Variants in IRF8 observed in about 807,000 individuals in gnomAD.
IRF8 encodes interferon regulatory factor 8, also known as interferon consensus sequence binding protein 1.
A neutral mutation model predicts 48.7 loss-of-function variants in IRF8; 14 were observed. The ratio of observed to expected loss-of-function variants is 0.29; its 90% CI spans 0.19 to 0.45. IRF8 has a LOEUF of 0.45. Among genes scored for constraint, IRF8 ranks in the 20% least tolerant of loss-of-function variants. The pLI is 1.00. For missense variants in IRF8, 493 were observed against 580.7 expected (o/e 0.85, Z 1.55); for synonymous variants, 278 against 227.3 (o/e 1.22, Z -2.01).
intron 8 of IRF8, 123 bp downstream of exon 8, chr16:85,920,347 A>G: frequency 1.5e-6 from 1 of 687,218 alleles, no homozygotes. Flanking sequence ...CCCGGGTTCA[A>G]GTGATTCTCC....
At position 85,921,275 on chromosome 16, in the gene IRF8, CCGTCTAAGTG is replaced by C; in HGVS notation, c.1279_*7del. ...TTTTTCAGAGAAAACCAACAGATCA[CCGTCTAAGTG>C]CGTCGCTTGGGCGCCCCACCCCGTC... On this transcript the variant is annotated stop_lost and 3_prime_UTR_variant, in exon 9 of 9. Transcript: ENST00000268638. 6.2e-7 allele frequency: 1 copy of C among 1,613,920 alleles called. No homozygotes were observed. Among genetic ancestry groups the C allele is most frequent in the Non-Finnish European group, 8.5e-7 (1 of 1,180,038 alleles).
At position 85,914,509 on chromosome 16, in the gene IRF8, C is replaced by T. The variant is rs768395792; in HGVS notation, c.590C>T (p.Ala197Val). 146 of 1,614,006 alleles carry T rather than the reference C, an allele frequency of 9.0e-5. No homozygotes were observed. Among genetic ancestry groups the T allele is most frequent in the Non-Finnish European group, 1.1e-4 (130 of 1,180,028 alleles). ...GTGACGGGGTACACCACCTACGACG[C>T]GCACCATTCAGGTACGGGGTGGTCC... Reference protein sequence around the residue: ...PLVTGYTTYDAHHSAFSQMVI... With the variant: ...PLVTGYTTYDVHHSAFSQMVI... The change falls in exon 6 of 9, where the codon GCG becomes GTG. Residue 197 changes from alanine (A) to valine (V), a missense_variant. Ala to Val is a moderately conservative substitution (Grantham distance 64). This residue lies in a region of IRF8 where 408 missense variants were observed against 449.6 expected (regional missense o/e 0.91). Transcript: ENST00000268638.
At chr16:85,899,974 GC>G (rs1343602360) in intron 1 of IRF8, among the ~76,000 whole-genome samples, 1 of 152,110 alleles carries the variant, frequency 6.6e-6, no homozygotes, top group Non-Finnish European at 1.5e-5. Flanking sequence ...CCAACCAATG[GC>G]CCCCCACTTT....
intron 2 of IRF8, among the ~76,000 whole-genome samples, chr16:85,904,810 A>ATTTTTTTTTTTTTTTTTTTT (rs1418168585): frequency 6.2e-5 from 4 of 64,620 alleles, no homozygotes; most frequent in Admixed American, 2.9e-4. Flanking sequence ...TTGATTGCAG[A>ATTTTTTTTTTTTTTTTTTTT]TCTTTTTTTT....
chr16:85,914,561 T>G (rs1218261137), intron 6 of IRF8, 41 bp downstream of exon 6: 3 of 1,612,392 alleles, frequency 1.9e-6, no homozygotes, highest in Non-Finnish European at 2.5e-6. Context: ...GGGCACTGTT[T>G]GAAGACAAAG....
At chr16:85,908,176 T>C (rs543607102) in intron 2 of IRF8, among the ~76,000 whole-genome samples, 1 of 152,382 alleles carries the variant, frequency 6.6e-6, no homozygotes, top group Admixed American at 6.5e-5. Context: ...TGCCTGATTT[T>C]TCCTGAAACC....
chr16:85,914,261 G>C (rs371134734), intron 5 of IRF8: 1 of 613,378 alleles, frequency 1.6e-6, no homozygotes, highest in Admixed American at 2.4e-5. Context: ...AAGTCCCCCC[G>C]ACTTGCCACT....
At position 85,921,162 on chromosome 16, in the gene IRF8, C is replaced by A; in HGVS notation, c.1161C>A (p.Ala387=). 6.2e-7 allele frequency: 1 copy of A among 1,614,158 alleles called. No individual in the cohort carries two copies. The highest frequency in any genetic ancestry group is 8.5e-7 in the Non-Finnish European group (1 of 1,180,032). ...AAGAGGCTGGGAAGAGCTGTGGAGC[C>A]GGCTCTGTGATGCAGGCCCCCGAGG... is the stretch of plus-strand genomic sequence containing the variant. The part of the protein sequence containing the change: ...LAEEAGKSCG[A]GSVMQAPEEP... The change falls in exon 9 of 9, where the codon GCC becomes GCA. Residue 387 remains alanine, a synonymous_variant. Transcript: ENST00000268638.
rs548134454 is a variant in IRF8 at position 85,902,854 on chromosome 16, C to A, written c.-1-161C>A. The A allele has an allele frequency of 3.9e-6, 3 of 759,554 alleles. No individual in the cohort carries two copies. In the East Asian group the frequency reaches 7.6e-5, roughly 19 times the overall value. The allele number at this position is 759,554 out of a possible 1,614,324, so 47.1% of individuals were successfully genotyped here. A position where few individuals can be genotyped will look rare whatever the true frequency, so the allele number is the denominator to read the frequency against. ...TGTGAGGTCATGGAGGCCAGCATTG[C>A]CTTCTCATGGCAGGTGTCCCGGAGT... On this transcript the variant is annotated intron_variant, in intron 1 of 8. Transcript: ENST00000268638.
At chr16:85,905,984 A>C (rs1363092557) in intron 2 of IRF8, among the ~76,000 whole-genome samples, 2 of 152,204 alleles carry the variant, frequency 1.3e-5, no homozygotes. Flanking sequence ...ACCGACCCTG[A>C]GTACACTGAT....
chr16:85,906,511 C>T (rs1597250758), intron 2 of IRF8, among the ~76,000 whole-genome samples: 1 of 152,212 alleles, frequency 6.6e-6, no homozygotes, highest in Non-Finnish European at 1.5e-5. Flanking sequence ...AAGCCAGGTA[C>T]CCGATGGTGG....
chr16:85,904,166 A>C (rs1904917255), intron 2 of IRF8, among the ~76,000 whole-genome samples: 3 of 152,218 alleles, frequency 2.0e-5, no homozygotes, highest in Admixed American at 2.0e-4. Flanking sequence ...CACGTTTGCC[A>C]GTGTGGACAC....
intron 2 of IRF8, 83 bp from the exon 3 acceptor site, chr16:85,908,907 A>T (rs988177284): frequency 8.7e-7 from 1 of 1,154,012 alleles, no homozygotes; most frequent in Non-Finnish European, 1.3e-6. Context: ...GAAGGGAAGG[A>T]TGTGTGGGGT....
At position 85,901,226 on chromosome 16, in the gene IRF8, A is replaced by T. The variant is rs1597248090; in HGVS notation, c.-1-1789A>T. ...GCTTTAGAATTCTGGGTCTCTTGAG[A>T]TACAGCCTCTCAACTTACAGGTGAG... On this transcript the variant is annotated intron_variant, in intron 1 of 8. Transcript: ENST00000268638. The T allele has an allele frequency of 3.3e-5, 5 of 152,334 alleles. No individual in the cohort carries two copies. The East Asian group carries it at 9.6e-4, about 29-fold the overall frequency. The allele number at this position is 152,334 out of a possible 1,614,324, so 9.4% of individuals were successfully genotyped here.
intron 2 of IRF8, among the ~76,000 whole-genome samples, chr16:85,904,669 C>T (rs1318259215): frequency 1.3e-5 from 2 of 152,110 alleles, no homozygotes; most frequent in Non-Finnish European, 2.9e-5. Flanking sequence ...CGAGGGGTCC[C>T]TTGGTGCCCC....
At chr16:85,914,552 G>C in intron 6 of IRF8, 32 bp downstream of exon 6, 1 of 1,613,480 alleles carries the variant, frequency 6.2e-7, no homozygotes. Context: ...GAGGGGCGTG[G>C]GCACTGTTTG....
intron 6 of IRF8, among the ~76,000 whole-genome samples, chr16:85,917,180 G>GGGGCGCCGTGGAGTT (rs1905337921): frequency 6.6e-6 from 1 of 152,190 alleles, no homozygotes; most frequent in African/African-American, 2.4e-5. Context: ...ACAACTCTAG[G>GGGGCGCCGTGGAGTT]GGGCGCCGTG....
chr16:85,920,693 A>G (rs1905525706), intron 8 of IRF8, among the ~76,000 whole-genome samples: 1 of 152,208 alleles, frequency 6.6e-6, no homozygotes, highest in South Asian at 2.1e-4. Context: ...GATTCTTGCC[A>G]TCTCCGAGCC....
rs141356068 is a variant in IRF8 at position 85,902,541 on chromosome 16, C to T, written c.-1-474C>T. ...AGGGCCTCCTCTTTCCCAGACGGCA[C>T]GGACGCAGTATTCTATCAGGGAATG... is the stretch of plus-strand genomic sequence containing the variant. On this transcript the variant is annotated intron_variant, in intron 1 of 8. Coordinates refer to ENST00000268638, the MANE Select transcript of IRF8 (RefSeq NM_002163.4). 24 of 225,440 alleles carry T rather than the reference C, an allele frequency of 1.1e-4. No homozygotes were observed. The East Asian group carries it at 1.2e-3, about 12-fold the overall frequency. The allele number at this position is 225,440 out of a possible 1,614,324, so 14.0% of individuals were successfully genotyped here.
Sources: gnomAD v4.1 joint callset for allele counts (sites outside exome capture counted in the v4.1 genomes callset) on GRCh38, gnomAD v4.1.1 for gene constraint, gnomAD v4.1.1 regional missense constraint, MANE v1.5 for transcripts, NCBI Gene and HGNC (gene_info 2026-07-23, HGNC 2026-07-21) for gene names.